ARHGAP28: variants seen among roughly 807,000 people sequenced by gnomAD.
ARHGAP28 encodes Rho GTPase activating protein 28, also known as rho GTPase-activating protein 28.
A neutral mutation model predicts 90.7 loss-of-function variants in ARHGAP28; 56 were observed. The ratio of observed to expected loss-of-function variants is 0.62; its 90% CI spans 0.50 to 0.77. The LOEUF (loss-of-function observed/expected upper bound fraction) is 0.77, where lower values mean the gene tolerates loss of function less well. ARHGAP28 is among the 30% of genes least tolerant of loss of function. The probability of loss-of-function intolerance (pLI) is 0.00; values close to 1 mark genes in which losing one functional copy is unlikely to be tolerated. For missense variants in ARHGAP28, 869 were observed against 900.9 expected (o/e 0.96, Z 0.45); for synonymous variants, 308 against 323.3 (o/e 0.95, Z 0.51).
chr18:6,841,159 C>CACTG (rs765748947), intron 3 of ARHGAP28, among the ~76,000 whole-genome samples: 6,344 of 89,790 alleles, frequency 0.071, 240 homozygotes, highest in Non-Finnish European at 0.11. Flanking sequence ...TCTCCTCTTT[C>CACTG]TCTCTCTCCT....
intron 1 of ARHGAP28, among the ~76,000 whole-genome samples, chr18:6,736,747 C>CA (rs34584836): frequency 0.05 from 3,976 of 80,046 alleles, 223 homozygotes; most frequent in African/African-American, 0.16. Context: ...AACTCCATTT[C>CA]AAAAAAAAAA....
intron 2 of ARHGAP28, among the ~76,000 whole-genome samples, chr18:6,831,866 T>G (rs2143826470): frequency 6.6e-6 from 1 of 152,214 alleles, no homozygotes; most frequent in Non-Finnish European, 1.5e-5. Flanking sequence ...ATTGTAAACT[T>G]TCTGTAAATG....
intron 3 of ARHGAP28, among the ~76,000 whole-genome samples, chr18:6,849,557 T>C (rs1224476507): frequency 6.6e-6 from 1 of 152,210 alleles, no homozygotes; most frequent in East Asian, 1.9e-4. Context: ...TGGCAAGAAA[T>C]GTCTCTGGAT....
intron 1 of ARHGAP28, among the ~76,000 whole-genome samples, chr18:6,771,498 T>G (rs527984811): frequency 6.6e-6 from 1 of 152,324 alleles, no homozygotes; most frequent in African/African-American, 2.4e-5. Context: ...AGAGCGTTCC[T>G]TAGAAGTGAG....
intron 2 of ARHGAP28, among the ~76,000 whole-genome samples, chr18:6,835,337 G>A (rs1381587458): frequency 3.3e-5 from 5 of 152,126 alleles, no homozygotes; most frequent in African/African-American, 1.2e-4. Flanking sequence ...TTAAGGAAGA[G>A]CTCCATGTCA....
intron 10 of ARHGAP28, among the ~76,000 whole-genome samples, chr18:6,878,446 G>C (rs921445427): frequency 6.6e-6 from 1 of 151,912 alleles, no homozygotes; most frequent in African/African-American, 2.4e-5. Flanking sequence ...GTATACATAT[G>C]TAACTAACCT....
chr18:6,771,769 G>A (rs1463437108), intron 1 of ARHGAP28, among the ~76,000 whole-genome samples: 1 of 152,162 alleles, frequency 6.6e-6, no homozygotes, highest in Non-Finnish European at 1.5e-5. Context: ...TTAAACATTA[G>A]TAGTTGGATC....
chr18:6,741,163 T>A (rs926728804), intron 1 of ARHGAP28, among the ~76,000 whole-genome samples: 1 of 151,768 alleles, frequency 6.6e-6, no homozygotes, highest in African/African-American at 2.4e-5. Context: ...ATTAGCATCT[T>A]AAAAAAAAAT....
At chr18:6,863,759 A>G (rs543010009) in intron 5 of ARHGAP28, among the ~76,000 whole-genome samples, 2 of 150,908 alleles carry the variant, frequency 1.3e-5, no homozygotes, top group South Asian at 2.1e-4. Context: ...AAAGCCTGAT[A>G]TCATTGTAGG....
intron 17 of ARHGAP28, 47 bp from the exon 18 acceptor site, chr18:6,912,009 GCACA>G: frequency 8.3e-7 from 1 of 1,209,316 alleles, no homozygotes; most frequent in South Asian, 1.5e-5. Context: ...GTGTGCGCAC[GCACA>G]CACACACAAA....
In ARHGAP28 at chr18:6,882,198, G is replaced by T; in HGVS notation, c.1352G>T (p.Cys451Phe). The T allele has an allele frequency of 6.2e-7, 1 of 1,614,026 alleles. No individual in the cohort carries two copies. The highest frequency in any genetic ancestry group is 8.5e-7 in the Non-Finnish European group (1 of 1,179,968). ...NADKFKWDKMCHREAAVMLKA... is the reference protein window; with the variant it reads ...NADKFKWDKMFHREAAVMLKA... ...GATAAATTTAAATGGGACAAAATGT[G>T]CCATAGAGAAGCTGCAGTAATGTTG... Residue 451 changes from cysteine (C) to phenylalanine (F), a missense_variant, in exon 11 of 18, where the codon TGC (cysteine) becomes TTC (phenylalanine). Transcript: ENST00000383472.
intron 10 of ARHGAP28, among the ~76,000 whole-genome samples, chr18:6,878,690 G>C (rs2143610001): frequency 6.6e-6 from 1 of 152,224 alleles, no homozygotes; most frequent in Middle Eastern, 3.4e-3. Flanking sequence ...GTTTTATGTA[G>C]TTTCAGCCTA....
chr18:6,869,088 G>A (rs776470391), intron 6 of ARHGAP28, among the ~76,000 whole-genome samples: 1 of 152,078 alleles, frequency 6.6e-6, no homozygotes, highest in Admixed American at 6.5e-5. Flanking sequence ...AGCCTTCTAC[G>A]TGGAATTGTC....
chr18:6,858,555 T>TC (rs2056972322), intron 4 of ARHGAP28, among the ~76,000 whole-genome samples: 1 of 151,978 alleles, frequency 6.6e-6, no homozygotes, highest in African/African-American at 2.4e-5. Context: ...CTTTCTTTTT[T>TC]TTTTTGAGAC....
intron 1 of ARHGAP28, among the ~76,000 whole-genome samples, chr18:6,780,196 G>C (rs972270151): frequency 5.9e-5 from 9 of 152,156 alleles, no homozygotes; most frequent in Non-Finnish European, 8.8e-5. Context: ...GCTGCTTCTG[G>C]ATAGAATTGG....
chr18:6,758,297 G>A (rs147109911), intron 1 of ARHGAP28, among the ~76,000 whole-genome samples: 36 of 151,952 alleles, frequency 2.4e-4, no homozygotes, highest in Non-Finnish European at 4.3e-4. Context: ...TTTTTGCTTC[G>A]GTTTAGGGCA....
In ARHGAP28 at chr18:6,865,663, T is replaced by A. The variant is rs772871553; in HGVS notation, c.727-2487T>A. ...AACAGAGCATTGAAAATGTTTCGTA[T>A]GGTCTTTATTGAATATGGAGGACAT... On this transcript the variant is annotated intron_variant, in intron 5 of 17. Coordinates refer to ENST00000383472, the MANE Select transcript of ARHGAP28 (RefSeq NM_001366230.1). Among the ~76,000 whole-genome samples the A allele has an allele frequency of 6.4e-4, 97 of 152,292 alleles. 1 individual carries two copies. The highest frequency in any genetic ancestry group is 1.1e-3 in the Non-Finnish European group (76 of 68,008).
At chr18:6,808,783 A>AGT (rs1567954691) in intron 1 of ARHGAP28, among the ~76,000 whole-genome samples, 1 of 152,194 alleles carries the variant, frequency 6.6e-6, no homozygotes, top group East Asian at 1.9e-4. Context: ...TATACACACC[A>AGT]GTGTACATAC....
intron 2 of ARHGAP28, among the ~76,000 whole-genome samples, chr18:6,836,515 G>T (rs1327791440): frequency 1.3e-5 from 2 of 152,124 alleles, no homozygotes; most frequent in Admixed American, 1.3e-4. Context: ...GGTGGGATGA[G>T]TCAGGCAGGT....
Sources: allele counts gnomAD v4.1 joint callset (sites outside exome capture counted in the v4.1 genomes callset), GRCh38; gene constraint gnomAD v4.1.1; transcripts MANE v1.5; gene names NCBI Gene and HGNC (gene_info 2026-07-23, HGNC 2026-07-21).